PLEKHG1: variants seen among roughly 807,000 people sequenced by gnomAD.
The protein encoded by PLEKHG1 is pleckstrin homology and RhoGEF domain containing G1.
A neutral mutation model predicts 100.8 loss-of-function variants in PLEKHG1; 44 were observed. The observed-to-expected ratio is 0.44, with a 90% confidence interval of 0.34 to 0.56. PLEKHG1 has a LOEUF of 0.56. PLEKHG1 is among the 20% of genes least tolerant of loss of function. The probability of loss-of-function intolerance (pLI) is 0.01; values close to 1 mark genes in which losing one functional copy is unlikely to be tolerated. For missense variants in PLEKHG1, 1,545 were observed against 1,720.9 expected (o/e 0.90, Z 1.81); for synonymous variants, 640 against 662.5 (o/e 0.97, Z 0.52).
At chr6:150,663,055 G>A (rs566022309) in intron 3 of PLEKHG1, 31 of 152,140 alleles carry the variant, frequency 2.0e-4, no homozygotes, top group Non-Finnish European at 8.8e-5. Context: ...CTGCTGACCT[G>A]CTGTGAGATA....
At chr6:150,822,783 C>T (rs1034331589) in intron 13 of PLEKHG1, among the ~76,000 whole-genome samples, 14 of 152,186 alleles carry the variant, frequency 9.2e-5, no homozygotes, top group Admixed American at 7.9e-4. Context: ...AGTTCGTGAC[C>T]AACCTGGCCA....
At chr6:150,696,394 C>A (rs558288152) in intron 3 of PLEKHG1, among the ~76,000 whole-genome samples, 1 of 152,332 alleles carries the variant, frequency 6.6e-6, no homozygotes, top group African/African-American at 2.4e-5. Context: ...AGAAGAAAAT[C>A]TGCAGTTTTC....
intron 3 of PLEKHG1, among the ~76,000 whole-genome samples, chr6:150,696,724 GA>G (rs1351406072): frequency 6.6e-6 from 1 of 152,182 alleles, no homozygotes; most frequent in Admixed American, 6.5e-5. Context: ...TTATTTGTGA[GA>G]GGGAAAATGT....
chr6:150,641,876 C>CAAAAAAAAAAAAAAAA (rs71554473), intron 2 of PLEKHG1, among the ~76,000 whole-genome samples: 2 of 76,810 alleles, frequency 2.6e-5, no homozygotes, highest in Admixed American at 2.2e-4. Flanking sequence ...TGTGAAAAGG[C>CAAAAAAAAAAAAAAAA]AAAAAAAAAA....
Position 150,830,337 on chromosome 6 carries a change from A to G in PLEKHG1, c.1471-245A>G, listed in dbSNP as rs146564524. 1.7e-3 allele frequency among the ~76,000 whole-genome samples: 253 copies of G among 152,158 alleles called. 1 individual carries two copies. Among genetic ancestry groups the G allele is most frequent in the African/African-American group, 6.0e-3 (248 of 41,514 alleles). On this transcript the variant is annotated intron_variant, in intron 14 of 15. Coordinates refer to ENST00000358517, the Ensembl canonical transcript of PLEKHG1. ...GAAGTGCTTTTCAAGTCAGTTAAAC[A>G]CTCAGCCAGGTGTAGTGGTTCACAC...
At chr6:150,677,300 A>ACG (rs1403364774) in intron 3 of PLEKHG1, among the ~76,000 whole-genome samples, 1 of 151,520 alleles carries the variant, frequency 6.6e-6, no homozygotes, top group Non-Finnish European at 1.5e-5. Flanking sequence ...ACACACACAC[A>ACG]CACGCGCGCG....
At chr6:150,822,928 C>T (rs1054049235) in intron 13 of PLEKHG1, among the ~76,000 whole-genome samples, 2 of 152,074 alleles carry the variant, frequency 1.3e-5, no homozygotes, top group African/African-American at 2.4e-5. Flanking sequence ...TGCAGTGAGC[C>T]GAGATTGTGC....
intron 2 of PLEKHG1, among the ~76,000 whole-genome samples, chr6:150,767,519 A>G (rs1784507353): frequency 6.6e-6 from 1 of 152,244 alleles, no homozygotes. Context: ...GAGAAAGTTA[A>G]TGATGAAAGC....
At position 150,809,193 on chromosome 6, in the gene PLEKHG1, G is replaced by A. The variant is rs770877836; in HGVS notation, c.1001G>A (p.Arg334Gln). 3.8e-5 allele frequency: 61 copies of A among 1,612,674 alleles called. No individual in the cohort carries two copies. The highest frequency in any genetic ancestry group is 1.6e-4 in the Middle Eastern group (1 of 6,068). ...CTTGAGGGAACCTTCCGCATCCAGC[G>A]AGCCAAGAATGAGCGGACGCTCTTC... The change falls in exon 8 of 16, where the codon CGA (arginine) becomes CAA (glutamine). Residue 334 changes from arginine (R) to glutamine (Q), a missense_variant. By Grantham distance (43) the Arg-to-Gln change is conservative. Coordinates refer to ENST00000358517, the Ensembl canonical transcript of PLEKHG1.
rs1264846286 is a variant in PLEKHG1 at position 150,831,591 on chromosome 6, T to C, written c.2480T>C (p.Val827Ala). The stretch of plus-strand genomic sequence containing the variant: ...AACTTGTCTATGCCTCATAAGCCTG[T>C]ATCTGATAAACTGTCCGAAGAAGTA... Residue 827 changes from valine to alanine, a missense_variant, in exon 15 of 16, where the codon GTA becomes GCA. Coordinates refer to ENST00000358517, the Ensembl canonical transcript of PLEKHG1. The surrounding 1 kb of genome is among the most constrained non-coding windows in gnomAD (Gnocchi z 4.1). The C allele has an allele frequency of 3.7e-6, 6 of 1,614,064 alleles. No individual in the cohort carries two copies. The highest frequency in any genetic ancestry group is 5.1e-6 in the Non-Finnish European group (6 of 1,180,022).
chr6:150,612,307 G>A (rs1355998422), intron 1 of PLEKHG1, among the ~76,000 whole-genome samples: 1 of 151,960 alleles, frequency 6.6e-6, no homozygotes, highest in Non-Finnish European at 1.5e-5. Flanking sequence ...TTGAATGTGT[G>A]TTTTTTTGTG....
intron 3 of PLEKHG1, among the ~76,000 whole-genome samples, chr6:150,688,862 T>A (rs1463800040): frequency 3.3e-5 from 5 of 152,216 alleles, no homozygotes; most frequent in African/African-American, 1.2e-4. Context: ...CATTATTTAC[T>A]TTTTAAGCTG....
chr6:150,804,651 TGTG>T (rs1418640716), exon 7 of PLEKHG1: 3 of 1,612,712 alleles, frequency 1.9e-6, no homozygotes, highest in Non-Finnish European at 2.5e-6. Flanking sequence ...AAGGCTATGA[TGTG>T]GTGCTTGATG....
chr6:150,771,152 C>T (rs777714493), intron 3 of PLEKHG1, among the ~76,000 whole-genome samples: 1 of 152,198 alleles, frequency 6.6e-6, no homozygotes, highest in Non-Finnish European at 1.5e-5. Flanking sequence ...GTAGCTTACA[C>T]CTGTAATCCC....
chr6:150,747,702 CT>C (rs1783237919), intron 2 of PLEKHG1, among the ~76,000 whole-genome samples: 1 of 151,998 alleles, frequency 6.6e-6, no homozygotes, highest in African/African-American at 2.4e-5. Context: ...TAAAACCAGC[CT>C]GGCCAACATG....
intron 3 of PLEKHG1, among the ~76,000 whole-genome samples, chr6:150,651,381 G>A (rs1354459652): frequency 6.6e-6 from 1 of 151,900 alleles, no homozygotes; most frequent in Non-Finnish European, 1.5e-5. Flanking sequence ...TAACAGGCAC[G>A]CACCACCATG....
At chr6:150,778,006 T>C (rs1785089862) in intron 3 of PLEKHG1, among the ~76,000 whole-genome samples, 1 of 152,262 alleles carries the variant, frequency 6.6e-6, no homozygotes, top group African/African-American at 2.4e-5. Context: ...TGCATATCTT[T>C]TATAGCGAGA....
At chr6:150,687,764 C>G (rs982292662) in intron 3 of PLEKHG1, among the ~76,000 whole-genome samples, 1 of 152,168 alleles carries the variant, frequency 6.6e-6, no homozygotes, top group Non-Finnish European at 1.5e-5. Flanking sequence ...TGACCCCACG[C>G]CCTGAGAGTC....
At chr6:150,677,283 T>TACGCGCACACACACACAC (rs756621195) in intron 3 of PLEKHG1, among the ~76,000 whole-genome samples, 4 of 134,138 alleles carry the variant, frequency 3.0e-5, no homozygotes, top group African/African-American at 7.6e-5. Flanking sequence ...TTTCTTCCCC[T>TACGCGCACACACACACAC]ATACACACAC....
Sources: gnomAD v4.1 joint callset for allele counts (sites outside exome capture counted in the v4.1 genomes callset) on GRCh38, gnomAD v4.1.1 for gene constraint, Gnocchi (gnomAD v3.1) non-coding constraint, MANE v1.5 for transcripts, NCBI Gene and HGNC (gene_info 2026-07-23, HGNC 2026-07-21) for gene names.